The following ASB2 variants were observed in gnomAD, a reference collection of about 807,000 sequenced individuals.
ASB2 encodes ankyrin repeat and SOCS box protein 2.
Under a neutral mutation model 62.4 loss-of-function variants are expected in ASB2, and 58 were observed. That is an observed-to-expected ratio of 0.93 (90% CI 0.75 to 1.16). ASB2 has a LOEUF of 1.16. Ranked by LOEUF, ASB2 falls within the 50% of genes most tolerant of loss-of-function variation. The pLI, the probability that ASB2 is intolerant of heterozygous loss-of-function variation, is 0.00. For synonymous variants in ASB2, 386 were observed against 385.3 expected (o/e 1.00, Z -0.02); for missense variants, 928 against 887.9 (o/e 1.05, Z -0.57).
chr14:93,975,575 A>G (rs1889888882), intron 1 of ASB2, among the ~76,000 whole-genome samples: 1 of 150,888 alleles, frequency 6.6e-6, no homozygotes, highest in Non-Finnish European at 1.5e-5. Context: ...CTGCTCAAAA[A>G]CTCTCAGAAA....
At chr14:93,942,682 T>C (rs1042023293) in intron 7 of ASB2, among the ~76,000 whole-genome samples, 5 of 152,196 alleles carry the variant, frequency 3.3e-5, no homozygotes, top group African/African-American at 1.2e-4. Flanking sequence ...AAGCTGTCCT[T>C]AGCTAGAGAG....
chr14:93,939,229 C>A lies in ASB2; in HGVS notation c.1496G>T (p.Gly499Val). The A allele has an allele frequency of 6.2e-7, 1 of 1,609,664 alleles. No individual in the cohort carries two copies. The highest frequency in any genetic ancestry group is 2.2e-5 in the East Asian group (1 of 44,744). The change falls in exon 8 of 10, where the codon GGC (glycine) becomes GTC (valine). Residue 499 changes from glycine (G) to valine (V), a missense_variant. By Grantham distance (109) the Gly-to-Val change is moderately radical. Coordinates refer to ENST00000555019, the MANE Select transcript of ASB2 (RefSeq NM_001202429.2). ...TGAGAAGCAGGGCTCGCCGTCGCAG[C>A]CCAGGTCCATGAGGAACTTGAGCAG... ...LSLLKFLMDL[G>V]CDGEPCFSCL...
intron 6 of ASB2, among the ~76,000 whole-genome samples, chr14:93,949,061 G>C (rs1175744587): frequency 1.3e-5 from 2 of 152,330 alleles, no homozygotes; most frequent in East Asian, 1.9e-4. Context: ...CCTCGGGCAG[G>C]GGGTGAGGGG....
At chr14:93,960,980 T>C (rs149330990) in intron 2 of ASB2, among the ~76,000 whole-genome samples, 7 of 143,542 alleles carry the variant, frequency 4.9e-5, no homozygotes, top group African/African-American at 1.7e-4. Flanking sequence ...AATAAATAAA[T>C]AAATAAACAG....
rs1888330904 is a variant in ASB2 at position 93,937,865 on chromosome 14, T to C, written c.1618-14A>G. 1 of 1,585,288 alleles carries C rather than the reference T, an allele frequency of 6.3e-7. No homozygotes were observed. The highest frequency in any genetic ancestry group is 8.6e-7 in the Non-Finnish European group (1 of 1,157,414). On this transcript the variant is annotated splice_polypyrimidine_tract_variant and intron_variant, in intron 8 of 9. Coordinates refer to ENST00000555019, the MANE Select transcript of ASB2 (RefSeq NM_001202429.2). ...GAACTCACAGAACTGAAAGAGAACA[T>C]GCCGGGACCAAGAAGTGAGTTCATC...
At position 93,964,437 on chromosome 14, in the gene ASB2, T is replaced by C. The variant is rs1330965185; in HGVS notation, c.103A>G (p.Ile35Val). ...GTCTTGTCCGCTAGGCTCTGCTCGA[T>C]GGCCATCTGCACCAGTTCATCCTCG... ...LSEDELVQMAIEQSLADKTRG... is the reference protein window; with the variant it reads ...LSEDELVQMAVEQSLADKTRG... The change falls in exon 2 of 10, where the codon ATC becomes GTC. Residue 35 changes from isoleucine (I) to valine (V), a missense_variant. Transcript: ENST00000555019. 3.3e-6 allele frequency: 5 copies of C among 1,536,140 alleles called. No homozygotes were observed. The East Asian group carries it at 1.2e-4, about 38-fold the overall frequency.
At chr14:93,942,366 G>A (rs1345639720) in intron 7 of ASB2, 2 of 442,660 alleles carry the variant, frequency 4.5e-6, no homozygotes, top group African/African-American at 4.0e-5. Context: ...AGCCTTTCCT[G>A]TCTGGGCCCT....
rs770847652 is a variant in ASB2, at chr14:93,964,285, T to C, written c.206+49A>G. The C allele has an allele frequency of 1.8e-4, 263 of 1,492,842 alleles. 3 individuals carry two copies. The South Asian group carries it at 3.0e-3, about 17-fold the overall frequency. The allele number at this position is 1,492,842 out of a possible 1,614,324, so 92.5% of individuals were successfully genotyped here. On this transcript the variant is annotated intron_variant, in intron 2 of 9. Coordinates refer to ENST00000555019, the MANE Select transcript of ASB2 (RefSeq NM_001202429.2). ...AACAGCATTAGGGATCTACAGTCTG[T>C]GGATGTCCTGGATGGCCCCACTTCC...
intron 2 of ASB2, among the ~76,000 whole-genome samples, chr14:93,964,065 T>C (rs1889497130): frequency 6.6e-6 from 1 of 152,202 alleles, no homozygotes; most frequent in South Asian, 2.1e-4. Context: ...GCCCTGAGCT[T>C]CAGTCTCCTC....
intron 3 of ASB2, among the ~76,000 whole-genome samples, chr14:93,956,534 C>A (rs527877481): frequency 6.6e-6 from 1 of 152,110 alleles, no homozygotes; most frequent in Non-Finnish European, 1.5e-5. Context: ...GGGGGGATCA[C>A]CAGCATGCCT....
rs558170842 is a variant in ASB2 at position 93,973,201 on chromosome 14, C to T, written c.-74+3233G>A. On this transcript the variant is annotated intron_variant, in intron 1 of 9. Transcript: ENST00000555019. ...GGGATTTGAACCTGTCCAAAGCTGG[C>T]TCTGCTCCCACGCCAGCAGACACTC... Among the ~76,000 whole-genome samples the T allele has an allele frequency of 6.6e-5, 10 of 152,298 alleles. No homozygotes were observed. In the South Asian group the frequency reaches 8.3e-4, roughly 13 times the overall value.
intron 1 of ASB2, among the ~76,000 whole-genome samples, chr14:93,966,631 C>T (rs761168536): frequency 2.0e-5 from 3 of 152,184 alleles, no homozygotes; most frequent in African/African-American, 4.8e-5. Flanking sequence ...ATGCTGGGTC[C>T]GCCCACCCTA....
chr14:93,947,396 CTTG>C lies in ASB2; in HGVS notation c.1002_1004del (p.Asn334del), dbSNP rs746767455. On this transcript the variant is annotated inframe_deletion, in exon 7 of 10. Coordinates refer to ENST00000555019, the MANE Select transcript of ASB2 (RefSeq NM_001202429.2). Reference sequence around the variant, plus strand: ...CGATGTGCAGCGGGAGCAAGCCGTCCTTGTTGGTCTTGTTGGCGTCGGCACCCT... The same window carrying C: ...CGATGTGCAGCGGGAGCAAGCCGTCCTTGGTCTTGTTGGCGTCGGCACCCT... The C allele has an allele frequency of 1.2e-6, 2 of 1,614,086 alleles. No homozygotes were observed. The highest frequency in any genetic ancestry group is 2.7e-5 in the African/African-American group (2 of 74,940).
At chr14:93,951,957 G>A (rs1335944940) in intron 5 of ASB2, among the ~76,000 whole-genome samples, 1 of 152,216 alleles carries the variant, frequency 6.6e-6, no homozygotes, top group Non-Finnish European at 1.5e-5. Context: ...TGGCCCCAGA[G>A]TTCTCACCAG....
At chr14:93,975,178 G>A (rs866621445) in intron 1 of ASB2, among the ~76,000 whole-genome samples, 5 of 152,264 alleles carry the variant, frequency 3.3e-5, no homozygotes, top group Admixed American at 6.5e-5. Context: ...GCGTCCCTCT[G>A]AGCCCCCTCA....
intron 7 of ASB2, among the ~76,000 whole-genome samples, chr14:93,946,268 G>A (rs150140432): frequency 1.8e-4 from 28 of 152,280 alleles, no homozygotes; most frequent in African/African-American, 4.3e-4. Context: ...GGGTTGACCC[G>A]CATACCCGCA....
intron 5 of ASB2, among the ~76,000 whole-genome samples, chr14:93,951,606 C>A: frequency 6.6e-6 from 1 of 152,116 alleles, no homozygotes; most frequent in Non-Finnish European, 1.5e-5. Flanking sequence ...AGTGGCTTGC[C>A]CAAAGTCACA....
chr14:93,959,761 A>G (rs1889345417), intron 2 of ASB2, among the ~76,000 whole-genome samples: 1 of 151,764 alleles, frequency 6.6e-6, no homozygotes, highest in South Asian at 2.1e-4. Flanking sequence ...GGCTGGCAGG[A>G]CAGTGCTCCT....
rs141475995 is a variant in ASB2 at position 93,947,486 on chromosome 14, C to T, written c.915G>A (p.Ala305=). ...ADINTQASDN[A]SALYEACKNE... ...TCTTGCAGGCCTCGTAGAGGGCAGACGCGTTGTCGCTGGCCTGCGTGTTGA... is the reference window on the plus strand; with the variant it reads ...TCTTGCAGGCCTCGTAGAGGGCAGATGCGTTGTCGCTGGCCTGCGTGTTGA... Residue 305 remains alanine (A), a synonymous_variant, in exon 7 of 10, where the codon GCG becomes GCA. Coordinates refer to ENST00000555019, the MANE Select transcript of ASB2 (RefSeq NM_001202429.2). The T allele has an allele frequency of 2.2e-5, 36 of 1,614,060 alleles. No homozygotes were observed. The highest frequency in any genetic ancestry group is 1.3e-4 in the African/African-American group (10 of 74,946).
Sources: allele counts gnomAD v4.1 joint callset (sites outside exome capture counted in the v4.1 genomes callset), GRCh38; gene constraint gnomAD v4.1.1; transcripts MANE v1.5; gene names NCBI Gene and HGNC (gene_info 2026-07-23, HGNC 2026-07-21).